The following EXOC2 variants were observed in gnomAD, a reference collection of about 807,000 sequenced individuals.
The protein encoded by EXOC2 is exocyst complex component 2.
EXOC2 carries 70 observed loss-of-function variants against 131.8 expected under a neutral mutation model. That is an observed-to-expected ratio of 0.53 (90% CI 0.44 to 0.65). The LOEUF (loss-of-function observed/expected upper bound fraction) is 0.65, where lower values mean the gene tolerates loss of function less well. EXOC2 is among the 30% of genes least tolerant of loss of function. The probability of loss-of-function intolerance (pLI) is 0.00; values close to 1 mark genes in which losing one functional copy is unlikely to be tolerated. For synonymous variants in EXOC2, 411 were observed against 398.4 expected, an observed-to-expected ratio of 1.03 and a Z score of -0.38; for missense variants, 923 against 1,108.6, an observed-to-expected ratio of 0.83 and a Z score of 2.38.
At chr6:523,236 G>C (rs1765570990) in intron 23 of EXOC2, among the ~76,000 whole-genome samples, 1 of 152,202 alleles carries the variant, frequency 6.6e-6, no homozygotes, top group African/African-American at 2.4e-5. Flanking sequence ...CCTTCAAATG[G>C]AGAACATTCA....
At chr6:564,773 G>A in intron 14 of EXOC2, 71 bp from the exon 15 acceptor site, 2 of 1,578,152 alleles carry the variant, frequency 1.3e-6, no homozygotes, top group Non-Finnish European at 1.7e-6. Flanking sequence ...AAAAGATGCT[G>A]CCTGGGCAGT....
At chr6:643,639 A>C (rs1157731280) in intron 1 of EXOC2, among the ~76,000 whole-genome samples, 1 of 152,042 alleles carries the variant, frequency 6.6e-6, no homozygotes, top group African/African-American at 2.4e-5. Context: ...TAAGGGCTAA[A>C]TAAACTCAAA....
chr6:501,872 CT>C (rs1764223645), intron 23 of EXOC2, among the ~76,000 whole-genome samples: 1 of 151,122 alleles, frequency 6.6e-6, no homozygotes, highest in Non-Finnish European at 1.5e-5. Flanking sequence ...GGTAAGAAGT[CT>C]TATCTAGGAG....
intron 11 of EXOC2, among the ~76,000 whole-genome samples, chr6:582,123 G>A (rs935284386): frequency 1.3e-5 from 2 of 151,960 alleles, no homozygotes; most frequent in Admixed American, 6.6e-5. Context: ...TTTGACAATC[G>A]AGACTCTATA....
intron 21 of EXOC2, among the ~76,000 whole-genome samples, chr6:551,019 C>T (rs1757114064): frequency 6.6e-6 from 1 of 152,126 alleles, no homozygotes; most frequent in Admixed American, 6.5e-5. Flanking sequence ...ACATTTGTTG[C>T]TCAAATGTAA....
intron 4 of EXOC2, among the ~76,000 whole-genome samples, chr6:626,053 T>TA (rs139741893): frequency 0.037 from 5,692 of 152,306 alleles, 159 homozygotes; most frequent in Middle Eastern, 0.058. Flanking sequence ...TTGGTTTAAA[T>TA]AGTTTGTCAG....
At chr6:584,940 TA>T (rs1283712943) in intron 11 of EXOC2, among the ~76,000 whole-genome samples, 1 of 152,240 alleles carries the variant, frequency 6.6e-6, no homozygotes, top group Non-Finnish European at 1.5e-5. Context: ...AGACCACCTT[TA>T]AAAATCCTGT....
intron 22 of EXOC2, among the ~76,000 whole-genome samples, chr6:546,963 C>T (rs1265789601): frequency 6.6e-6 from 1 of 152,166 alleles, no homozygotes; most frequent in Non-Finnish European, 1.5e-5. Flanking sequence ...CTTTAAGATG[C>T]ATGGTGCTGG....
At chr6:667,889 CCATCCAT>C in intron 1 of EXOC2, among the ~76,000 whole-genome samples, 1 of 151,938 alleles carries the variant, frequency 6.6e-6, no homozygotes, top group Non-Finnish European at 1.5e-5. Context: ...ATCCATCCAT[CCATCCAT>C]CCATCCATCC....
intron 11 of EXOC2, among the ~76,000 whole-genome samples, chr6:582,566 G>A (rs1375935557): frequency 2.0e-5 from 3 of 150,784 alleles, no homozygotes; most frequent in African/African-American, 7.3e-5. Context: ...CTCCGCAGAC[G>A]CAGGCAGGAT....
At chr6:616,537 A>G (rs1202248441) in intron 6 of EXOC2, among the ~76,000 whole-genome samples, 1 of 130,094 alleles carries the variant, frequency 7.7e-6, no homozygotes, top group Non-Finnish European at 1.6e-5. Context: ...CGGGAGGCGG[A>G]GCTTGCAGTG....
At chr6:680,379 T>G (rs1764348073) in intron 1 of EXOC2, among the ~76,000 whole-genome samples, 1 of 152,196 alleles carries the variant, frequency 6.6e-6, no homozygotes, top group Non-Finnish European at 1.5e-5. Flanking sequence ...GGGCCTATGC[T>G]TATATGAATA....
intron 1 of EXOC2, chr6:656,330 T>C: frequency 6.2e-7 from 1 of 1,614,204 alleles, no homozygotes; most frequent in Non-Finnish European, 8.5e-7. Flanking sequence ...TTCCAAGATT[T>C]TTAAAATAAC....
chr6:671,159 C>G (rs1006013259), intron 1 of EXOC2, among the ~76,000 whole-genome samples: 8 of 151,166 alleles, frequency 5.3e-5, no homozygotes, highest in Non-Finnish European at 7.4e-5. Context: ...GAGTTAGAGA[C>G]CAGTCTGGCC....
chr6:611,668 TA>T (rs1760721914), intron 6 of EXOC2, among the ~76,000 whole-genome samples: 1 of 152,206 alleles, frequency 6.6e-6, no homozygotes, highest in Admixed American at 6.5e-5. Context: ...TCCAGAAAAT[TA>T]AACCAAATAA....
chr6:535,391 T>C (rs371539395), intron 22 of EXOC2, among the ~76,000 whole-genome samples: 3 of 151,798 alleles, frequency 2.0e-5, no homozygotes, highest in East Asian at 3.9e-4. Flanking sequence ...TTTTTAAAAA[T>C]TAAAAAGGAA....
intron 1 of EXOC2, among the ~76,000 whole-genome samples, chr6:692,275 T>A (rs1764964175): frequency 6.6e-6 from 1 of 152,242 alleles, no homozygotes; most frequent in East Asian, 1.9e-4. Context: ...ATAACTTACT[T>A]CCATTCAAAG....
intron 23 of EXOC2, among the ~76,000 whole-genome samples, chr6:510,907 T>C (rs927650780): frequency 1.3e-5 from 2 of 152,266 alleles, no homozygotes; most frequent in Non-Finnish European, 2.9e-5. Flanking sequence ...TACATGCAGA[T>C]GAATGCGTTT....
At chr6:489,874 C>G (rs1163008037) in intron 26 of EXOC2, among the ~76,000 whole-genome samples, 3 of 152,182 alleles carry the variant, frequency 2.0e-5, no homozygotes, top group Non-Finnish European at 4.4e-5. Flanking sequence ...GTCACAGCAA[C>G]AGAGAGAAAG....
Sources: allele counts gnomAD v4.1 joint callset (sites outside exome capture counted in the v4.1 genomes callset), GRCh38; gene constraint gnomAD v4.1.1; transcripts MANE v1.5; gene names NCBI Gene and HGNC (gene_info 2026-07-23, HGNC 2026-07-21).